Variants in PDE4D observed in about 807,000 individuals in gnomAD.
The protein encoded by PDE4D is 3',5'-cyclic-AMP phosphodiesterase 4D.
In PDE4D, 24 loss-of-function variants were observed where a neutral mutation model predicts 87.4. The ratio of observed to expected loss-of-function variants is 0.27; its 90% confidence interval spans 0.20 to 0.39. PDE4D has a LOEUF of 0.39. PDE4D is among the 10% of genes least tolerant of loss of function. The pLI, the probability that PDE4D is intolerant of heterozygous loss-of-function variation, is 1.00. For synonymous variants in PDE4D, 384 were observed against 383.2 expected, an observed-to-expected ratio of 1.00 and a Z score of -0.02; for missense variants, 714 against 1,041.0, an observed-to-expected ratio of 0.69 and a Z score of 4.32.
intron 1 of PDE4D, among the ~76,000 whole-genome samples, chr5:60,275,354 A>G (rs1380308378): frequency 6.6e-6 from 1 of 152,114 alleles, no homozygotes; most frequent in Non-Finnish European, 1.5e-5. Context: ...GTTCTTTAAT[A>G]TAAGATAAAA....
At chr5:59,511,190 C>T (rs1318882623) in intron 1 of PDE4D, among the ~76,000 whole-genome samples, 1 of 151,782 alleles carries the variant, frequency 6.6e-6, no homozygotes, top group Middle Eastern at 3.2e-3. Flanking sequence ...CTAGAGCCAT[C>T]ATTTCTAATA....
At chr5:59,889,720 T>G (rs1041432811) in intron 1 of PDE4D, among the ~76,000 whole-genome samples, 3 of 152,230 alleles carry the variant, frequency 2.0e-5, no homozygotes, top group Admixed American at 1.3e-4. Context: ...AGTTGTCACA[T>G]TTTGAAGACT....
intron 1 of PDE4D, among the ~76,000 whole-genome samples, chr5:59,659,149 G>A (rs1242448958): frequency 6.6e-6 from 1 of 152,202 alleles, no homozygotes; most frequent in South Asian, 2.1e-4. Context: ...GTAAATAAAA[G>A]CAACTTTTGC....
chr5:59,579,285 C>T (rs909480690), intron 1 of PDE4D, among the ~76,000 whole-genome samples: 4 of 152,284 alleles, frequency 2.6e-5, no homozygotes, highest in Non-Finnish European at 1.5e-5. Flanking sequence ...CAAGGCAGGA[C>T]TCTTATTACA....
intron 1 of PDE4D, among the ~76,000 whole-genome samples, chr5:59,237,969 G>T (rs1331970779): frequency 6.6e-6 from 1 of 152,088 alleles, no homozygotes; most frequent in East Asian, 1.9e-4. Context: ...ACCTGTGGAG[G>T]TTACATTTAT....
At chr5:59,591,289 T>G (rs1326525993) in intron 1 of PDE4D, among the ~76,000 whole-genome samples, 1 of 152,180 alleles carries the variant, frequency 6.6e-6, no homozygotes, top group Non-Finnish European at 1.5e-5. Context: ...CACACTTCCT[T>G]CACAATGAGC....
intron 2 of PDE4D, among the ~76,000 whole-genome samples, chr5:60,050,616 A>G (rs1412977023): frequency 6.6e-6 from 1 of 152,244 alleles, no homozygotes; most frequent in Non-Finnish European, 1.5e-5. Flanking sequence ...ACTATGAAGA[A>G]ACTGCATCAA....
At chr5:59,079,727 C>A (rs1436165154) in intron 5 of PDE4D, among the ~76,000 whole-genome samples, 1 of 150,200 alleles carries the variant, frequency 6.7e-6, no homozygotes, top group Non-Finnish European at 1.5e-5. Flanking sequence ...ATTGTCCTTG[C>A]TACCCAGAGG....
chr5:59,985,781 C>T (rs10471471), intron 3 of PDE4D, among the ~76,000 whole-genome samples: 3,484 of 152,284 alleles, frequency 0.023, 135 homozygotes, highest in African/African-American at 0.079. Context: ...AAAATTCATG[C>T]ATACTCAATT....
At chr5:59,764,946 C>T (rs980924863) in intron 1 of PDE4D, among the ~76,000 whole-genome samples, 1 of 152,054 alleles carries the variant, frequency 6.6e-6, no homozygotes, top group Non-Finnish European at 1.5e-5. Context: ...CATGAGCCAC[C>T]ATGCTTAGCC....
chr5:60,425,566 A>G (rs552044251), intron 1 of PDE4D, among the ~76,000 whole-genome samples: 1 of 132,400 alleles, frequency 7.6e-6, no homozygotes, highest in African/African-American at 3.2e-5. Flanking sequence ...GTTAGACATA[A>G]AACCATAAAA....
chr5:60,495,857 A>G (rs549247551), intron 1 of PDE4D, among the ~76,000 whole-genome samples: 1 of 152,316 alleles, frequency 6.6e-6, no homozygotes, highest in East Asian at 1.9e-4. Context: ...ATAATTATCT[A>G]TGGACCAGAA....
chr5:59,590,628 A>G (rs1825795067), intron 1 of PDE4D, among the ~76,000 whole-genome samples: 1 of 152,192 alleles, frequency 6.6e-6, no homozygotes, highest in Non-Finnish European at 1.5e-5. Context: ...ACAAATTGGC[A>G]TAACCTCAGT....
At chr5:59,174,018 C>T (rs1158900943) in intron 5 of PDE4D, among the ~76,000 whole-genome samples, 2 of 152,172 alleles carry the variant, frequency 1.3e-5, no homozygotes. Context: ...TCCTTATTGT[C>T]ACCATGAAAT....
chr5:59,758,192 T>A (rs1187641060), intron 1 of PDE4D, among the ~76,000 whole-genome samples: 1 of 152,156 alleles, frequency 6.6e-6, no homozygotes, highest in Non-Finnish European at 1.5e-5. Context: ...AGCTGAAAGA[T>A]CTTGGTTATG....
In PDE4D at chr5:59,908,811, C is replaced by G. The variant is rs1462151157; in HGVS notation, c.272+79677G>C. 3.9e-5 allele frequency among the ~76,000 whole-genome samples: 6 copies of G among 152,072 alleles called. No homozygotes were observed. The East Asian group carries it at 1.2e-3, about 29-fold the overall frequency. On this transcript the variant is annotated intron_variant, in intron 3 of 16. Coordinates refer to the PDE4D transcript ENST00000502484. ...GTAATGATTAAAGAAATCCAGAAAT[C>G]TTGACTAAGAATTAATTAAATCCAT...
At position 59,185,119 on chromosome 5, in the gene PDE4D, G is replaced by T. The variant is rs551189878; in HGVS notation, c.758+70C>A. On this transcript the variant is annotated intron_variant, in intron 4 of 14. Transcript: ENST00000340635. ...CAGAGAAGTCTAACATATTGCCTTGGGCTCAATCAAGTTGAGAAAACTTAT... is the reference window on the plus strand; with the variant it reads ...CAGAGAAGTCTAACATATTGCCTTGTGCTCAATCAAGTTGAGAAAACTTAT... The T allele has an allele frequency of 4.5e-5, 53 of 1,185,988 alleles. No individual in the cohort carries two copies. In the South Asian group the frequency reaches 6.5e-4, roughly 15 times the overall value. 73.5% of individuals were successfully genotyped at this position (1,185,988 alleles called of 1,614,324 possible).
chr5:59,201,731 A>T (rs1255159728), intron 2 of PDE4D, among the ~76,000 whole-genome samples: 2 of 152,190 alleles, frequency 1.3e-5, no homozygotes, highest in African/African-American at 4.8e-5. Flanking sequence ...AATATAATAA[A>T]GCCAACTTCA....
intron 5 of PDE4D, among the ~76,000 whole-genome samples, chr5:59,045,965 C>T (rs1480483085): frequency 1.3e-5 from 2 of 152,074 alleles, no homozygotes; most frequent in African/African-American, 4.8e-5. Flanking sequence ...ACATATGTTC[C>T]CACAATATGT....
Sources: gnomAD v4.1 joint callset for allele counts (sites outside exome capture counted in the v4.1 genomes callset) on GRCh38, gnomAD v4.1.1 for gene constraint, MANE v1.5 for transcripts, NCBI Gene and HGNC (gene_info 2026-07-23, HGNC 2026-07-21) for gene names.